SEPTIN10: variants seen among roughly 807,000 people sequenced by gnomAD.
SEPTIN10 encodes the protein septin-10.
SEPTIN10 carries 66 observed loss-of-function variants against 54.8 expected under a neutral mutation model. That is an observed-to-expected ratio of 1.21 (90% CI 0.99 to 1.48). The LOEUF (loss-of-function observed/expected upper bound fraction) is 1.48. Ranked by LOEUF, SEPTIN10 falls within the 40% of genes most tolerant of loss-of-function variation. SEPTIN10 has a pLI of 0.00. For missense variants in SEPTIN10, 620 were observed against 545.6 expected (o/e 1.14, Z -1.36); for synonymous variants, 161 against 181.0 (o/e 0.89, Z 0.89).
chr2:109,574,792 TACA>T, intron 4 of SEPTIN10, 25 bp from the exon 5 acceptor site: 8 of 1,515,704 alleles, frequency 5.3e-6, no homozygotes, highest in Non-Finnish European at 7.1e-6. Flanking sequence ...AAATGTTTAA[TACA>T]ACATTATTTG....
At chr2:109,612,624 TC>T (rs1699497244) in intron 1 of SEPTIN10, among the ~76,000 whole-genome samples, 1 of 152,246 alleles carries the variant, frequency 6.6e-6, no homozygotes, top group Non-Finnish European at 1.5e-5. Flanking sequence ...TGAAGTGTTC[TC>T]TTCTGCTCAA....
chr2:109,574,885 G>T, intron 4 of SEPTIN10, 118 bp from the exon 5 acceptor site: 3 of 583,168 alleles, frequency 5.1e-6, no homozygotes, highest in Non-Finnish European at 7.9e-6. Context: ...TAATATCTAT[G>T]CTGAACAGAT....
intron 8 of SEPTIN10, among the ~76,000 whole-genome samples, chr2:109,559,946 G>A (rs1573469357): frequency 7.0e-6 from 1 of 143,658 alleles, no homozygotes; most frequent in Admixed American, 6.9e-5. Flanking sequence ...TTTAAGATGG[G>A]GTCTCGCTCT....
chr2:109,565,860 C>T lies in SEPTIN10; in HGVS notation c.763-1G>A. On this transcript the variant is annotated splice_acceptor_variant, in intron 6 of 10. Coordinates refer to ENST00000397712, the MANE Select transcript of SEPTIN10 (RefSeq NM_144710.5). LOFTEE classifies it high-confidence loss of function. ...CCACAACAGCAAACGGCAACTGTCC[C>T]TGAAAAAGAATATCGAGCACATCTT... 6.2e-7 allele frequency: 1 copy of T among 1,613,590 alleles called. No individual in the cohort carries two copies. Among genetic ancestry groups the T allele is most frequent in the Non-Finnish European group, 8.5e-7 (1 of 1,179,630 alleles).
At chr2:109,551,152 CTG>C (rs1682845948) in intron 9 of SEPTIN10, among the ~76,000 whole-genome samples, 1 of 152,194 alleles carries the variant, frequency 6.6e-6, no homozygotes, top group Non-Finnish European at 1.5e-5. Flanking sequence ...ATCATTTGTT[CTG>C]TGCATCTCCC....
At chr2:109,578,699 G>A (rs900141192) in intron 4 of SEPTIN10, among the ~76,000 whole-genome samples, 4 of 152,030 alleles carry the variant, frequency 2.6e-5, no homozygotes, top group South Asian at 2.1e-4. Context: ...CCTGGGAGGC[G>A]GTGGTTACAG....
intron 6 of SEPTIN10, 110 bp from the exon 7 acceptor site, chr2:109,565,969 T>C: frequency 2.0e-6 from 2 of 994,546 alleles, no homozygotes; most frequent in Non-Finnish European, 3.1e-6. Context: ...CCTATTAAAA[T>C]CGAATGGTCA....
chr2:109,545,577 C>T (rs1419744160), intron 10 of SEPTIN10: 1 of 1,534,530 alleles, frequency 6.5e-7, no homozygotes, highest in Non-Finnish European at 8.7e-7. Flanking sequence ...AAATCAGTAT[C>T]AGTAGAATTT....
At chr2:109,552,901 CA>C in intron 9 of SEPTIN10, 185 bp downstream of exon 9, 2 of 654,206 alleles carry the variant, frequency 3.1e-6, no homozygotes, top group Non-Finnish European at 4.9e-6. Context: ...AAAAGAAGGC[CA>C]AAGTTTTCAT....
At chr2:109,613,025 G>C (rs1432313322) in intron 1 of SEPTIN10, 1 of 521,554 alleles carries the variant, frequency 1.9e-6, no homozygotes, top group African/African-American at 2.0e-5. Flanking sequence ...AACCACCAAT[G>C]TTTACTATCA....
chr2:109,565,706 G>A (rs1686822189), intron 7 of SEPTIN10, 57 bp downstream of exon 7: 1 of 1,382,670 alleles, frequency 7.2e-7, no homozygotes, highest in African/African-American at 1.4e-5. Flanking sequence ...GGCATGACAG[G>A]TAGCTTTGAG....
chr2:109,596,873 A>G (rs1381619282), intron 1 of SEPTIN10, among the ~76,000 whole-genome samples: 1 of 152,234 alleles, frequency 6.6e-6, no homozygotes, highest in Non-Finnish European at 1.5e-5. Flanking sequence ...TTCCACTAGT[A>G]CTACTTGGTC....
At chr2:109,548,926 G>A (rs992438089) in intron 9 of SEPTIN10, among the ~76,000 whole-genome samples, 1 of 152,146 alleles carries the variant, frequency 6.6e-6, no homozygotes, top group Non-Finnish European at 1.5e-5. Flanking sequence ...CTGTGAGCCA[G>A]TGACCACCTG....
intron 8 of SEPTIN10, among the ~76,000 whole-genome samples, chr2:109,560,209 C>T (rs532174817): frequency 9.2e-5 from 14 of 152,332 alleles, no homozygotes; most frequent in Middle Eastern, 3.4e-3. Flanking sequence ...CGTGAGCCAC[C>T]GGGCCTGGCC....
In SEPTIN10 at chr2:109,585,259, AG is replaced by A. The variant is rs769811140; in HGVS notation, c.279del (p.Tyr94MetfsTer26). The A allele has an allele frequency of 7.4e-6, 12 of 1,612,974 alleles. No homozygotes were observed. The highest frequency in any genetic ancestry group is 1.3e-5 in the African/African-American group (1 of 74,908). ...TTTGGGCAAAAATGTGAGGATTCAT[AG>A]TCTTCAAAATTAGTATTAAACAATG... ...IDTLFNTNFE[D>X]YESSHFCPNV... On this transcript the variant is annotated frameshift_variant, in exon 4 of 11. Coordinates refer to ENST00000397712, the MANE Select transcript of SEPTIN10 (RefSeq NM_144710.5). LOFTEE classifies it high-confidence loss of function.
rs771693820 is a variant in SEPTIN10 at position 109,585,763 on chromosome 2, T to C, written c.175A>G (p.Arg59Gly). The change falls in exon 3 of 11, where the codon AGA becomes GGA. Residue 59 changes from arginine to glycine, a missense_variant. Coordinates refer to ENST00000397712, the MANE Select transcript of SEPTIN10 (RefSeq NM_144710.5). ...AAGCAGAAACCTTGCTGAATGGATC[T>C]GTTCACCAGCTGATCAGGCAAACTC... ...FESLPDQLVN[R>G]SIQQGFCFNI... The C allele has an allele frequency of 1.9e-6, 3 of 1,613,924 alleles. No homozygotes were observed. The highest frequency in any genetic ancestry group is 3.3e-5 in the Admixed American group (2 of 60,020).
chr2:109,588,580 G>T (rs1433159855), intron 2 of SEPTIN10, among the ~76,000 whole-genome samples: 1 of 151,800 alleles, frequency 6.6e-6, no homozygotes, highest in Non-Finnish European at 1.5e-5. Flanking sequence ...TGCAACCTCC[G>T]CCCCCCAGGT....
chr2:109,577,640 T>C (rs866946897), intron 4 of SEPTIN10, among the ~76,000 whole-genome samples: 1 of 148,526 alleles, frequency 6.7e-6, no homozygotes, highest in African/African-American at 2.5e-5. Flanking sequence ...CTCGGTCGGA[T>C]AGTGGCTCAC....
chr2:109,543,223 A>C lies in SEPTIN10; in HGVS notation c.*1086T>G. Reference sequence around the variant, plus strand: ...TATTTTCTTAAAAAGTATTTTTAATAAAATGATTCAACCTTATTATTTTTA... The same window carrying C: ...TATTTTCTTAAAAAGTATTTTTAATCAAATGATTCAACCTTATTATTTTTA... On this transcript the variant is annotated 3_prime_UTR_variant, in exon 11 of 11. Coordinates refer to ENST00000397712, the MANE Select transcript of SEPTIN10 (RefSeq NM_144710.5). 6.6e-6 allele frequency: 1 copy of C among 152,634 alleles called. No individual in the cohort carries two copies. 9.5% of individuals were successfully genotyped at this position (152,634 alleles called of 1,614,324 possible).
Sources: gnomAD v4.1 joint callset for allele counts (sites outside exome capture counted in the v4.1 genomes callset) on GRCh38, gnomAD v4.1.1 for gene constraint, MANE v1.5 for transcripts, NCBI Gene and HGNC (gene_info 2026-07-23, HGNC 2026-07-21) for gene names.